The following NFIA variants were observed in gnomAD, a reference collection of about 807,000 sequenced individuals.
NFIA encodes nuclear factor 1 A-type.
NFIA carries 8 observed loss-of-function variants against 62.8 expected under a neutral mutation model. The ratio of observed to expected loss-of-function variants is 0.13; its 90% CI spans 0.07 to 0.23. NFIA has a LOEUF of 0.23. Ranked by LOEUF, NFIA falls within the 10% of genes least tolerant of loss-of-function variation. The pLI is 1.00. For synonymous variants in NFIA, 235 were observed against 238.1 expected (o/e 0.99, Z 0.12); for missense variants, 410 against 642.1 (o/e 0.64, Z 3.91).
chr1:61,204,722 G>A (rs1326395994), intron 2 of NFIA, among the ~76,000 whole-genome samples: 1 of 152,142 alleles, frequency 6.6e-6, no homozygotes, highest in Non-Finnish European at 1.5e-5. Flanking sequence ...TCTGGAGATT[G>A]GACATTGACC....
Position 61,104,652 on chromosome 1 carries a change from A to G in NFIA, c.559+15972A>G, listed in dbSNP as rs145979302. ...GCGTGTTCATTATCAAAATCATTCT[A>G]CTGCAGACTTTCCCATAAAGTGTTT... On this transcript the variant is annotated intron_variant, in intron 2 of 10. Transcript: ENST00000403491. 7.8e-3 allele frequency among the ~76,000 whole-genome samples: 1,193 copies of G among 152,026 alleles called. 18 individuals carry two copies. Among genetic ancestry groups the G allele is most frequent in the African/African-American group, 0.027 (1,110 of 41,528 alleles).
At chr1:61,148,271 C>T (rs1370848779) in intron 2 of NFIA, among the ~76,000 whole-genome samples, 3 of 152,178 alleles carry the variant, frequency 2.0e-5, no homozygotes, top group African/African-American at 7.2e-5. Context: ...GTAGCCTTCT[C>T]ATCTCCCCAC....
At chr1:61,413,911 C>T (rs912317883) in intron 9 of NFIA, among the ~76,000 whole-genome samples, 1 of 152,030 alleles carries the variant, frequency 6.6e-6, no homozygotes, top group Non-Finnish European at 1.5e-5. Flanking sequence ...CAGGCATGAG[C>T]CACTGTGCCT....
intron 2 of NFIA, among the ~76,000 whole-genome samples, chr1:61,134,322 C>A (rs970815669): frequency 6.7e-6 from 1 of 150,122 alleles, no homozygotes; most frequent in Non-Finnish European, 1.5e-5. Context: ...TTCTCAATTT[C>A]TTTTCTTAGG....
At chr1:61,334,310 A>T (rs774671906) in intron 4 of NFIA, among the ~76,000 whole-genome samples, 1 of 152,042 alleles carries the variant, frequency 6.6e-6, no homozygotes, top group Non-Finnish European at 1.5e-5. Context: ...TAAAGTACCA[A>T]CCGGTTAAGT....
chr1:61,419,325 T>C (rs991175220), intron 9 of NFIA, among the ~76,000 whole-genome samples: 2 of 152,140 alleles, frequency 1.3e-5, no homozygotes, highest in African/African-American at 4.8e-5. Context: ...TGGCACGTGC[T>C]TGTAGTCCTA....
chr1:61,374,834 A>C (rs1664070583), intron 6 of NFIA, among the ~76,000 whole-genome samples: 1 of 152,242 alleles, frequency 6.6e-6, no homozygotes, highest in Non-Finnish European at 1.5e-5. Flanking sequence ...TCTATCATAA[A>C]AATGATTTTA....
At chr1:61,369,511 A>G (rs1377390773) in intron 6 of NFIA, among the ~76,000 whole-genome samples, 3 of 152,148 alleles carry the variant, frequency 2.0e-5, no homozygotes, top group African/African-American at 7.2e-5. Context: ...TTATTTAAAT[A>G]TTTATAGAAC....
chr1:61,175,476 A>G (rs1419568594), intron 2 of NFIA, among the ~76,000 whole-genome samples: 2 of 152,316 alleles, frequency 1.3e-5, no homozygotes, highest in South Asian at 2.1e-4. Flanking sequence ...AAAATGTTGT[A>G]TAACTATAGA....
At chr1:61,171,954 A>G (rs761732460) in intron 2 of NFIA, among the ~76,000 whole-genome samples, 6 of 152,184 alleles carry the variant, frequency 3.9e-5, no homozygotes, top group Non-Finnish European at 8.8e-5. Flanking sequence ...AGAGAAAGGA[A>G]TTTCTGTGAT....
chr1:61,366,968 A>G (rs1023919503), intron 6 of NFIA, among the ~76,000 whole-genome samples: 4 of 152,192 alleles, frequency 2.6e-5, no homozygotes, highest in African/African-American at 7.2e-5. Flanking sequence ...CTCTGTTCCT[A>G]TCACAATGAT....
intron 2 of NFIA, among the ~76,000 whole-genome samples, chr1:61,203,156 C>T (rs527596805): frequency 8.5e-5 from 13 of 152,110 alleles, no homozygotes; most frequent in South Asian, 2.1e-4. Context: ...TTTTTTATTC[C>T]GAGTCCCGTT....
chr1:61,085,615 C>G (rs567856155), intron 1 of NFIA, among the ~76,000 whole-genome samples: 4 of 151,850 alleles, frequency 2.6e-5, no homozygotes, highest in African/African-American at 7.2e-5. Context: ...ACATTTCTTG[C>G]AAGCTAATGA....
At chr1:61,420,528 A>G (rs1666567128) in intron 9 of NFIA, among the ~76,000 whole-genome samples, 1 of 152,186 alleles carries the variant, frequency 6.6e-6, no homozygotes, top group Non-Finnish European at 1.5e-5. Context: ...AACATTTAAT[A>G]AAATTGCAAT....
intron 3 of NFIA, among the ~76,000 whole-genome samples, chr1:61,324,049 T>C (rs1188818627): frequency 1.3e-5 from 2 of 152,140 alleles, no homozygotes; most frequent in Non-Finnish European, 2.9e-5. Flanking sequence ...ATGTTCTGTG[T>C]TGGGGTGAGA....
chr1:61,421,360 A>G (rs1469913825), intron 9 of NFIA, among the ~76,000 whole-genome samples: 1 of 152,208 alleles, frequency 6.6e-6, no homozygotes, highest in African/African-American at 2.4e-5. Context: ...GAGAGAAAAA[A>G]AATGAATCTA....
Position 61,088,819 on chromosome 1 carries a change from G to T in NFIA, c.559+139G>T. The T allele has an allele frequency of 1.0e-6, 1 of 961,336 alleles. No individual in the cohort carries two copies. 59.6% of individuals were successfully genotyped at this position (961,336 alleles called of 1,614,324 possible). ...AAGCCAGTGTGGTTTCAAAGATTGA[G>T]AGAGGTGCCACCTTCATTCAGGTGA... is the stretch of plus-strand genomic sequence containing the variant. On this transcript the variant is annotated intron_variant, in intron 2 of 10. Coordinates refer to ENST00000403491, the MANE Select transcript of NFIA (RefSeq NM_001134673.4). This position sits in a 1 kb window ranked among gnomAD's most constrained non-coding sequence, Gnocchi z 4.5.
At chr1:61,211,628 C>T (rs1029549242) in intron 2 of NFIA, among the ~76,000 whole-genome samples, 10 of 152,080 alleles carry the variant, frequency 6.6e-5, no homozygotes, top group Non-Finnish European at 1.5e-4. Context: ...AATATTACAC[C>T]CAATTAAACA....
At position 61,349,433 on chromosome 1, in the gene NFIA, G is replaced by A. The variant is rs189118053; in HGVS notation, c.701-3017G>A. On this transcript the variant is annotated intron_variant, in intron 4 of 10. Transcript: ENST00000403491. ...AGAAATTGTTTTATTTCCTCATACCGTCCCTCGATTCCATAGTTCCATTAT... is the reference window on the plus strand; with the variant it reads ...AGAAATTGTTTTATTTCCTCATACCATCCCTCGATTCCATAGTTCCATTAT... Among the ~76,000 whole-genome samples the A allele has an allele frequency of 5.9e-4, 90 of 152,116 alleles. 1 individual carries two copies. Among genetic ancestry groups the A allele is most frequent in the African/African-American group, 1.3e-3 (53 of 41,482 alleles).
Sources: allele counts gnomAD v4.1 joint callset (sites outside exome capture counted in the v4.1 genomes callset), GRCh38; gene constraint gnomAD v4.1.1; non-coding constraint Gnocchi (gnomAD v3.1); transcripts MANE v1.5; gene names NCBI Gene and HGNC (gene_info 2026-07-23, HGNC 2026-07-21).